The following CKAP5 variants were observed in gnomAD, a reference collection of about 807,000 sequenced individuals.
CKAP5 encodes cytoskeleton-associated protein 5.
In CKAP5, 27 loss-of-function variants were observed where a neutral mutation model predicts 232.8. The observed-to-expected ratio is 0.12, with a 90% CI of 0.09 to 0.16. The LOEUF is 0.16. Ranked by LOEUF, CKAP5 falls within the 10% of genes least tolerant of loss-of-function variation. The pLI, the probability that CKAP5 is intolerant of heterozygous loss-of-function variation, is 1.00. For missense variants in CKAP5, 1,838 were observed against 2,424.7 expected (o/e 0.76, Z 5.08); for synonymous variants, 785 against 841.1 (o/e 0.93, Z 1.16).
In CKAP5 at chr11:46,744,456, G is replaced by C; in HGVS notation, c.5826C>G (p.Leu1942=). ...PSVYLERLKI[L]RQRCGLDNTK... ...TGTTGTCCAGACCACATCGCTGTCGGAGGATCTTTAGCCTTTCCAAGTAGA... is the reference window on the plus strand; with the variant it reads ...TGTTGTCCAGACCACATCGCTGTCGCAGGATCTTTAGCCTTTCCAAGTAGA... The change falls in exon 43 of 44, where the codon CTC becomes CTG. Residue 1942 remains leucine, a synonymous_variant. Coordinates refer to ENST00000529230, the MANE Select transcript of CKAP5 (RefSeq NM_001008938.4). 1 of 1,614,138 alleles carries C rather than the reference G, an allele frequency of 6.2e-7. No homozygotes were observed. Among genetic ancestry groups the C allele is most frequent in the Non-Finnish European group, 8.5e-7 (1 of 1,180,020 alleles).
rs527474352 is a variant in CKAP5, at chr11:46,747,666, G to A, written c.5704+2608C>T. Among the ~76,000 whole-genome samples, 19 of 151,790 alleles carry A rather than the reference G, an allele frequency of 1.3e-4. No homozygotes were observed. In the South Asian group the frequency reaches 3.7e-3, roughly 30 times the overall value. On this transcript the variant is annotated intron_variant, in intron 42 of 43. Coordinates refer to ENST00000529230, the MANE Select transcript of CKAP5 (RefSeq NM_001008938.4). The stretch of plus-strand genomic sequence containing the variant: ...TTGAACAAAGATGTGAAAGAGGAAA[G>A]GGAGCTAGGCAACAAAGCCATCTAA...
intron 1 of CKAP5, among the ~76,000 whole-genome samples, chr11:46,829,837 TATGTGTG>T (rs1565757053): frequency 7.1e-5 from 6 of 84,628 alleles, no homozygotes; most frequent in South Asian, 1.0e-3. Flanking sequence ...TCCTTTTTTG[TATGTGTG>T]TGTGTGTGTG....
chr11:46,744,325 C>T, intron 43 of CKAP5, 60 bp from the exon 44 acceptor site: 2 of 1,612,340 alleles, frequency 1.2e-6, no homozygotes, highest in Non-Finnish European at 1.7e-6. Flanking sequence ...GATGCAGCTC[C>T]AGAACTACAG....
chr11:46,778,176 G>A lies in CKAP5; in HGVS notation c.2711C>T (p.Ala904Val), dbSNP rs2065306963. 2 of 1,613,880 alleles carry A rather than the reference G, an allele frequency of 1.2e-6. No homozygotes were observed. Among genetic ancestry groups the A allele is most frequent in the South Asian group, 1.1e-5 (1 of 91,068 alleles). ...IQPNIGELPT[A>V]LKGRLNDSNK... ...TGAATCATTGAGTCGACCCTTCAAG[G>A]CAGTTGGAAGTTCACCTATATTCGG... The change falls in exon 22 of 44, where the codon GCC becomes GTC. Residue 904 changes from alanine to valine, a missense_variant. This residue lies in a region of CKAP5 where 767 missense variants were observed against 954.6 expected (regional missense o/e 0.80). Transcript: ENST00000529230.
chr11:46,784,844 T>G (rs2065377118), intron 16 of CKAP5, among the ~76,000 whole-genome samples, 171 bp from the exon 17 acceptor site: 1 of 152,218 alleles, frequency 6.6e-6, no homozygotes. Flanking sequence ...CCTTTAATTG[T>G]TACCAATTAC....
At position 46,744,128 on chromosome 11, in the gene CKAP5, A is replaced by G. The variant is rs932363141; in HGVS notation, c.5994T>C (p.Asp1998=). The change falls in exon 44 of 44, where the codon GAT becomes GAC. Residue 1998 remains aspartate (D), a synonymous_variant. Transcript: ENST00000529230. ...SREQHQHSDL[D]SNQTHSSGTV... is the part of the protein sequence containing the mutation. ...TTCCTGAAGAGTGAGTCTGGTTAGA[A>G]TCCAGGTCTGAATGCTGGTGCTGCT... 6.2e-7 allele frequency: 1 copy of G among 1,614,124 alleles called. No individual in the cohort carries two copies. Among genetic ancestry groups the G allele is most frequent in the African/African-American group, 1.3e-5 (1 of 75,024 alleles).
intron 42 of CKAP5, among the ~76,000 whole-genome samples, chr11:46,749,927 CAA>C (rs1165122275): frequency 1.9e-4 from 14 of 74,680 alleles, no homozygotes; most frequent in Admixed American, 1.6e-4. Flanking sequence ...AACTCCATCT[CAA>C]AAAAAAAAAA....
intron 13 of CKAP5, among the ~76,000 whole-genome samples, chr11:46,792,894 G>T (rs1054733723): frequency 6.6e-6 from 1 of 152,100 alleles, no homozygotes; most frequent in Non-Finnish European, 1.5e-5. Context: ...AATAGCTGCC[G>T]ATTTCCTGTT....
intron 8 of CKAP5, among the ~76,000 whole-genome samples, chr11:46,802,486 G>C (rs1175633496): frequency 6.6e-6 from 1 of 151,856 alleles, no homozygotes; most frequent in Non-Finnish European, 1.5e-5. Context: ...AGAGGTTGCA[G>C]TGAGTGCAGA....
chr11:46,796,991 T>C (rs906305127), intron 11 of CKAP5, 51 bp from the exon 12 acceptor site: 1 of 1,596,272 alleles, frequency 6.3e-7, no homozygotes, highest in Non-Finnish European at 8.6e-7. Flanking sequence ...ATTTTAGGCA[T>C]TACTCATTTT....
intron 4 of CKAP5, among the ~76,000 whole-genome samples, chr11:46,815,241 C>T (rs957440546): frequency 6.6e-6 from 1 of 152,030 alleles, no homozygotes; most frequent in African/African-American, 2.4e-5. Context: ...TTGGTAGAGA[C>T]GTTTCACCAC....
At chr11:46,757,329 C>A (rs57513288) in intron 35 of CKAP5, among the ~76,000 whole-genome samples, 1 of 150,962 alleles carries the variant, frequency 6.6e-6, no homozygotes, top group Non-Finnish European at 1.5e-5. Flanking sequence ...CCTGTCTCTA[C>A]TAAAAACACA....
rs889099394 is a variant in CKAP5 at position 46,809,078 on chromosome 11, C to A, written c.864+322G>T. On this transcript the variant is annotated intron_variant, in intron 7 of 43. Transcript: ENST00000529230. ...TGTCAACAGTGCTAAGGTCAAGAAA[C>A]CTTGGGGTAAAGTAGTGGCAGTAGA... 2.6e-5 allele frequency among the ~76,000 whole-genome samples: 4 copies of A among 152,142 alleles called. No homozygotes were observed. The East Asian group carries it at 5.8e-4, about 22-fold the overall frequency.
intron 24 of CKAP5, 76 bp downstream of exon 24, chr11:46,776,179 T>C: frequency 8.1e-7 from 1 of 1,230,934 alleles, no homozygotes; most frequent in Non-Finnish European, 1.1e-6. Context: ...CATAAATGCG[T>C]ATTTATCAGA....
chr11:46,784,923 C>T (rs2065377814), intron 16 of CKAP5, among the ~76,000 whole-genome samples: 1 of 152,096 alleles, frequency 6.6e-6, no homozygotes, highest in African/African-American at 2.4e-5. Context: ...TAATATTGCA[C>T]AGAAAGTTTA....
intron 19 of CKAP5, 24 bp downstream of exon 19, chr11:46,780,404 C>G (rs776823092): frequency 6.2e-7 from 1 of 1,613,306 alleles, no homozygotes; most frequent in Non-Finnish European, 8.5e-7. Context: ...CAATACTGCC[C>G]TATATATGTT....
chr11:46,758,463 TC>T (rs2065127416), intron 35 of CKAP5, among the ~76,000 whole-genome samples: 1 of 152,192 alleles, frequency 6.6e-6, no homozygotes, highest in Non-Finnish European at 1.5e-5. Context: ...CTAAATAAGT[TC>T]CATGAGAGTT....
chr11:46,790,039 A>T, intron 15 of CKAP5, 37 bp downstream of exon 15: 1 of 1,359,198 alleles, frequency 7.4e-7, no homozygotes, highest in Non-Finnish European at 1.0e-6. Context: ...CATATAATCT[A>T]ATTTTCTTTC....
intron 30 of CKAP5, 85 bp downstream of exon 30, chr11:46,762,891 T>C (rs2065167739): frequency 6.9e-7 from 1 of 1,456,662 alleles, no homozygotes; most frequent in African/African-American, 1.4e-5. Flanking sequence ...ATATAATCAG[T>C]AAAAAAGGGA....
Sources: gnomAD v4.1 joint callset for allele counts (sites outside exome capture counted in the v4.1 genomes callset) on GRCh38, gnomAD v4.1.1 for gene constraint, gnomAD v4.1.1 regional missense constraint, MANE v1.5 for transcripts, NCBI Gene and HGNC (gene_info 2026-07-23, HGNC 2026-07-21) for gene names.